The following UCP3 variants were observed in gnomAD, a reference collection of about 807,000 sequenced individuals.
The protein encoded by UCP3 is uncoupling protein 3.
Under a neutral mutation model 28.1 loss-of-function variants are expected in UCP3, and 24 were observed. The ratio of observed to expected loss-of-function variants is 0.85; its 90% confidence interval spans 0.62 to 1.20. The LOEUF (loss-of-function observed/expected upper bound fraction) is 1.20. Ranked by LOEUF, UCP3 falls within the 50% of genes most tolerant of loss-of-function variation. The probability of loss-of-function intolerance (pLI) is 0.00; values close to 1 mark genes in which losing one functional copy is unlikely to be tolerated. For missense variants in UCP3, 397 were observed against 422.2 expected (o/e 0.94, Z 0.52); for synonymous variants, 184 against 171.2 (o/e 1.07, Z -0.59).
At chr11:74,002,768 A>G (rs1951630762) in intron 6 of UCP3, 1 of 985,434 alleles carries the variant, frequency 1.0e-6, no homozygotes, top group South Asian at 4.7e-5. Flanking sequence ...ACAGTCTGTC[A>G]ATTGCAGTAT....
rs1951621847 is a variant in UCP3, at chr11:74,001,541, A to C, written c.825-15T>G. The C allele has an allele frequency of 1.2e-6, 2 of 1,613,236 alleles. No homozygotes were observed. The highest frequency in any genetic ancestry group is 8.5e-7 in the Non-Finnish European group (1 of 1,179,202). ...AGGGTGTAAATCTGATAAGAAAAAC[A>C]ACCAACACATCAGGTGGAGTGCTAG... On this transcript the variant is annotated splice_polypyrimidine_tract_variant and intron_variant, in intron 6 of 6. Transcript: ENST00000314032.
rs1397327252 is a variant in UCP3 at position 74,001,795 on chromosome 11, C to T, written c.825-269G>A. 5.3e-5 allele frequency: 22 copies of T among 418,786 alleles called. 1 individual carries two copies. The South Asian group carries it at 5.3e-4, about 10-fold the overall frequency. The allele number at this position is 418,786 out of a possible 1,614,324, so 25.9% of individuals were successfully genotyped here. On this transcript the variant is annotated intron_variant, in intron 6 of 6. Coordinates refer to ENST00000314032, the MANE Select transcript of UCP3 (RefSeq NM_003356.4). Reference sequence around the variant, plus strand: ...GAATTCTCACAGTTCTATAAGGCAGCCATGTTGCTGCCAGGCTCTTTTTCA... The same window carrying T: ...GAATTCTCACAGTTCTATAAGGCAGTCATGTTGCTGCCAGGCTCTTTTTCA...
Position 74,001,441 on chromosome 11 carries a change from C to A in UCP3, c.910G>T (p.Val304Phe). Residue 304 changes from valine (V) to phenylalanine (F), a missense_variant, in exon 7 of 7, where the codon GTC (valine) becomes TTC (phenylalanine). By Grantham distance (50) the Val-to-Phe change is conservative (BLOSUM62 -1). Coordinates refer to ENST00000314032, the MANE Select transcript of UCP3 (RefSeq NM_003356.4). ...AACGGTGATTCCCGTAACATCTGGA[C>A]TTTCATCAGGGCCCGTTTCAGCTGC... The part of the protein sequence containing the change: ...YEQLKRALMK[V>F]QMLRESPF 5 of 1,614,184 alleles carry A rather than the reference C, an allele frequency of 3.1e-6. No homozygotes were observed. Among genetic ancestry groups the A allele is most frequent in the Non-Finnish European group, 4.2e-6 (5 of 1,180,036 alleles).
At chr11:74,007,246 C>T in intron 1 of UCP3, 109 bp from the exon 2 acceptor site, 1 of 637,924 alleles carries the variant, frequency 1.6e-6, no homozygotes, top group Non-Finnish European at 2.7e-6. Flanking sequence ...TGGGTGGTGC[C>T]ATACTTAAGC....
In UCP3 at chr11:74,006,189, T is replaced by C. The variant is rs1951664256; in HGVS notation, c.317A>G (p.Tyr106Cys). 6 of 1,613,974 alleles carry C rather than the reference T, an allele frequency of 3.7e-6. No homozygotes were observed. Among genetic ancestry groups the C allele is most frequent in the African/African-American group, 1.3e-5 (1 of 74,908 alleles). ...CTCACTGTCCGCGCCTTTGGGGGTG[T>C]ACACCTGCTTGACGGAGTCATAGAG... is the stretch of plus-strand genomic sequence containing the variant. ...IGLYDSVKQV[Y>C]TPKGADNSSL... The change falls in exon 3 of 7, where the codon TAC becomes TGC. Residue 106 changes from tyrosine (Y) to cysteine (C), a missense_variant. Coordinates refer to ENST00000314032, the MANE Select transcript of UCP3 (RefSeq NM_003356.4).
At chr11:74,007,437 CTTTTT>C (rs928421426) in intron 1 of UCP3, 5 of 178,416 alleles carry the variant, frequency 2.8e-5, no homozygotes, top group Admixed American at 5.8e-5. Context: ...AAACTGCCTC[CTTTTT>C]TTTTTTGAGA....
intron 1 of UCP3, among the ~76,000 whole-genome samples, chr11:74,007,860 A>G (rs1213975247): frequency 6.6e-6 from 1 of 151,976 alleles, no homozygotes; most frequent in Non-Finnish European, 1.5e-5. Flanking sequence ...CTTCTTCCCA[A>G]TTCACTCCAG....
intron 1 of UCP3, among the ~76,000 whole-genome samples, chr11:74,007,812 C>T (rs1485175036): frequency 6.6e-6 from 1 of 152,148 alleles, no homozygotes; most frequent in East Asian, 1.9e-4. Flanking sequence ...CAGTGGTGGG[C>T]ACAGGTAGGA....
chr11:74,008,058 CACTG>C (rs1441204467), intron 1 of UCP3, among the ~76,000 whole-genome samples: 1 of 152,210 alleles, frequency 6.6e-6, no homozygotes, highest in African/African-American at 2.4e-5. Context: ...GCTTTACAGA[CACTG>C]ACTGATTTGA....
Position 74,000,638 on chromosome 11 carries a change from C to T in UCP3, c.*774G>A, listed in dbSNP as rs1951615210. 1 of 152,264 alleles carries T rather than the reference C, an allele frequency of 6.6e-6. No homozygotes were observed. Among genetic ancestry groups the T allele is most frequent in the African/African-American group, 2.4e-5 (1 of 41,460 alleles). The allele number at this position is 152,264 out of a possible 1,614,324, so 9.4% of individuals were successfully genotyped here. A position where few individuals can be genotyped will look rare whatever the true frequency, so the allele number is the denominator to read the frequency against. On this transcript the variant is annotated 3_prime_UTR_variant, in exon 7 of 7. Coordinates refer to ENST00000314032, the MANE Select transcript of UCP3 (RefSeq NM_003356.4). ...CATTGTCCTTGTAGTTAGATTTACA[C>T]AGAGCTTTTGCTTTTATAAAGTGCG...
Position 74,006,362 on chromosome 11 carries a change from C to T in UCP3, c.144G>A (p.Gln48=). The T allele has an allele frequency of 1.3e-6, 2 of 1,576,490 alleles. No individual in the cohort carries two copies. The highest frequency in any genetic ancestry group is 1.7e-6 in the Non-Finnish European group (2 of 1,163,952). The change falls in exon 3 of 7, where the codon CAG becomes CAA. Residue 48 remains glutamine (Q), a synonymous_variant. Coordinates refer to ENST00000314032, the MANE Select transcript of UCP3 (RefSeq NM_003356.4). ...KVRLQIQGEN[Q]AVQTARLVQY... The stretch of plus-strand genomic sequence containing the variant: ...GCACGAGCCGGGCCGTCTGGACCGC[C>T]TGGTTCTCCCCCTGGATCTGAGGGA...
rs1238027558 is a variant in UCP3, at chr11:74,006,161, T to C, written c.337+8A>G. ...ACCCCTTTGGTGTTCAGGGACCTGG[T>C]CACTCACTGTCCGCGCCTTTGGGGG... On this transcript the variant is annotated splice_region_variant and intron_variant, in intron 3 of 6. Transcript: ENST00000314032. 2 of 1,613,900 alleles carry C rather than the reference T, an allele frequency of 1.2e-6. No homozygotes were observed. The highest frequency in any genetic ancestry group is 2.7e-5 in the African/African-American group (2 of 74,942).
chr11:74,003,051 T>C, intron 6 of UCP3: 1 of 661,000 alleles, frequency 1.5e-6, no homozygotes. Context: ...CCTTAGTTAA[T>C]GTGGACAATA....
intron 4 of UCP3, 86 bp from the exon 5 acceptor site, chr11:74,004,671 G>A: frequency 7.5e-7 from 1 of 1,333,170 alleles, no homozygotes; most frequent in Non-Finnish European, 1.1e-6. Flanking sequence ...TGGCTGCAAG[G>A]CCACAGGCCC....
In UCP3 at chr11:74,000,521, C is replaced by T. The variant is rs912180843; in HGVS notation, c.*891G>A. The T allele has an allele frequency of 6.6e-6, 1 of 152,326 alleles. No homozygotes were observed. The highest frequency in any genetic ancestry group is 2.4e-5 in the African/African-American group (1 of 41,458). The allele number at this position is 152,326 out of a possible 1,614,324, so 9.4% of individuals were successfully genotyped here. On this transcript the variant is annotated 3_prime_UTR_variant, in exon 7 of 7. Coordinates refer to ENST00000314032, the MANE Select transcript of UCP3 (RefSeq NM_003356.4). The stretch of plus-strand genomic sequence containing the variant: ...ACTGTCACCTCTGGTCCCCAAGTCT[C>T]TGGATCCTTTGGTCTCACCTCTAGA...
chr11:74,003,697 C>G lies in UCP3; in HGVS notation c.824+130G>C, dbSNP rs958671067. On this transcript the variant is annotated intron_variant, in intron 6 of 6. Coordinates refer to ENST00000314032, the MANE Select transcript of UCP3 (RefSeq NM_003356.4). ...TCTTTTACTTGCATGGTTTTTTAAA[C>G]TTCTTCTTTGTGGCATTTACATCTG... 1.4e-5 allele frequency: 21 copies of G among 1,459,086 alleles called. No homozygotes were observed. The African/African-American group carries it at 2.8e-4, about 20-fold the overall frequency. The allele number at this position is 1,459,086 out of a possible 1,614,324, so 90.4% of individuals were successfully genotyped here. A position where few individuals can be genotyped will look rare whatever the true frequency, so the allele number is the denominator to read the frequency against.
chr11:74,001,471 A>AC lies in UCP3; in HGVS notation c.879_880insG (p.Tyr294ValfsTer2). On this transcript the variant is annotated frameshift_variant, in exon 7 of 7. Transcript: ENST00000314032. LOFTEE classifies it high-confidence loss of function. ...ATCAGGGCCCGTTTCAGCTGCTCAT[A>AC]GGTTACGAACATCACCACGTTCCAG... The AC allele has an allele frequency of 6.2e-7, 1 of 1,614,138 alleles. No individual in the cohort carries two copies. Among genetic ancestry groups the AC allele is most frequent in the Non-Finnish European group, 8.5e-7 (1 of 1,180,036 alleles).
chr11:74,005,168 G>T (rs983137670), intron 4 of UCP3, among the ~76,000 whole-genome samples: 4 of 149,136 alleles, frequency 2.7e-5, no homozygotes, highest in African/African-American at 1.0e-4. Context: ...TGCATTCATC[G>T]CAGTGGCTGC....
chr11:74,004,661 T>A, intron 4 of UCP3, 76 bp from the exon 5 acceptor site: 1 of 1,430,762 alleles, frequency 7.0e-7, no homozygotes, highest in South Asian at 1.2e-5. Flanking sequence ...ATGGATGCCC[T>A]GGCTGCAAGG....
Sources: allele counts gnomAD v4.1 joint callset (sites outside exome capture counted in the v4.1 genomes callset), GRCh38; gene constraint gnomAD v4.1.1; transcripts MANE v1.5; gene names NCBI Gene and HGNC (gene_info 2026-07-23, HGNC 2026-07-21).